The following SEMA5A variants were observed in gnomAD, a reference collection of about 807,000 sequenced individuals.
The protein encoded by SEMA5A is semaphorin-5A.
Under a neutral mutation model 135.5 loss-of-function variants are expected in SEMA5A, and 55 were observed. The observed-to-expected ratio is 0.41, with a 90% confidence interval of 0.33 to 0.51. The LOEUF is 0.51. SEMA5A is among the 20% of genes least tolerant of loss of function. The pLI, the probability that SEMA5A is intolerant of heterozygous loss-of-function variation, is 0.37. For synonymous variants in SEMA5A, 580 were observed against 546.5 expected (o/e 1.06, Z -0.85); for missense variants, 1,290 against 1,419.9 (o/e 0.91, Z 1.47).
intron 5 of SEMA5A, among the ~76,000 whole-genome samples, chr5:9,306,218 G>A (rs1340767231): frequency 6.6e-6 from 1 of 152,148 alleles, no homozygotes; most frequent in Non-Finnish European, 1.5e-5. Context: ...ATAATTACCA[G>A]GCACATAGCT....
chr5:9,311,023 T>C (rs1023765640), intron 5 of SEMA5A, among the ~76,000 whole-genome samples: 1 of 152,006 alleles, frequency 6.6e-6, no homozygotes, highest in Non-Finnish European at 1.5e-5. Context: ...TCAAGTAATC[T>C]TAATATCACA....
At chr5:9,176,575 A>G (rs1173502631) in intron 11 of SEMA5A, among the ~76,000 whole-genome samples, 2 of 152,350 alleles carry the variant, frequency 1.3e-5, no homozygotes, top group Non-Finnish European at 1.5e-5. Context: ...ACAACAATGC[A>G]AGAATAACAC....
chr5:9,221,352 G>A (rs567031542), intron 8 of SEMA5A, among the ~76,000 whole-genome samples: 2 of 143,664 alleles, frequency 1.4e-5, no homozygotes, highest in Admixed American at 7.1e-5. Flanking sequence ...ACCCAGGCTG[G>A]AGTGCAGTGG....
intron 5 of SEMA5A, among the ~76,000 whole-genome samples, chr5:9,259,386 G>GT (rs776101055): frequency 2.6e-5 from 4 of 151,998 alleles, no homozygotes; most frequent in Non-Finnish European, 5.9e-5. Flanking sequence ...TTAATCCTGA[G>GT]TTCTAGTTTG....
chr5:9,294,337 C>T (rs964351633), intron 5 of SEMA5A, among the ~76,000 whole-genome samples: 18 of 152,150 alleles, frequency 1.2e-4, no homozygotes, highest in Non-Finnish European at 2.4e-4. Flanking sequence ...AACCATGGGC[C>T]ACTTTCCATC....
At chr5:9,142,629 C>T (rs960017963) in intron 12 of SEMA5A, among the ~76,000 whole-genome samples, 8 of 152,054 alleles carry the variant, frequency 5.3e-5, no homozygotes, top group Non-Finnish European at 1.0e-4. Flanking sequence ...ACCATGTTAC[C>T]ATATACTTCA....
rs77907960 is a variant in SEMA5A at position 9,253,750 on chromosome 5, A to G, written c.271-15860T>C. Among the ~76,000 whole-genome samples, 948 of 152,284 alleles carry G rather than the reference A, an allele frequency of 6.2e-3. 12 individuals are homozygous for G. The highest frequency in any genetic ancestry group is 0.022 in the African/African-American group (900 of 41,580). ...GGTACAAAATCTCATCCTTTCAAGA[A>G]ACCTGAATCTGGTTATTACCAAAAT... is the stretch of plus-strand genomic sequence containing the variant. On this transcript the variant is annotated intron_variant, in intron 5 of 22. Coordinates refer to ENST00000382496, the MANE Select transcript of SEMA5A (RefSeq NM_003966.3).
At chr5:9,287,212 C>G (rs953175632) in intron 5 of SEMA5A, among the ~76,000 whole-genome samples, 1 of 152,188 alleles carries the variant, frequency 6.6e-6, no homozygotes, top group Non-Finnish European at 1.5e-5. Flanking sequence ...TATATTAACC[C>G]AGGCAGCAGC....
chr5:9,286,315 A>T (rs575292856), intron 5 of SEMA5A, among the ~76,000 whole-genome samples: 1 of 152,322 alleles, frequency 6.6e-6, no homozygotes, highest in South Asian at 2.1e-4. Context: ...CATAAAGGCA[A>T]ATTTTCAAGT....
chr5:9,327,631 A>G (rs556070490), intron 4 of SEMA5A, among the ~76,000 whole-genome samples: 41 of 152,244 alleles, frequency 2.7e-4, no homozygotes, highest in Non-Finnish European at 5.1e-4. Flanking sequence ...TGCAGTAACT[A>G]AACAATGCCG....
intron 1 of SEMA5A, among the ~76,000 whole-genome samples, chr5:9,466,245 G>A (rs1317439335): frequency 2.0e-5 from 3 of 151,918 alleles, no homozygotes; most frequent in African/African-American, 7.2e-5. Flanking sequence ...GGGAGGGATA[G>A]CATTAGGAGA....
intron 15 of SEMA5A, among the ~76,000 whole-genome samples, chr5:9,108,977 A>T (rs1329816170): frequency 2.6e-5 from 4 of 151,748 alleles, no homozygotes; most frequent in Admixed American, 6.6e-5. Flanking sequence ...ATGTCAGCCA[A>T]ATATCCAAAG....
At chr5:9,097,800 G>C (rs903682554) in intron 16 of SEMA5A, among the ~76,000 whole-genome samples, 12 of 152,172 alleles carry the variant, frequency 7.9e-5, no homozygotes, top group South Asian at 2.1e-4. Flanking sequence ...GACTTTAAAA[G>C]GTAGAATGAG....
chr5:9,340,255 G>T (rs1753584204), intron 3 of SEMA5A, among the ~76,000 whole-genome samples: 1 of 152,178 alleles, frequency 6.6e-6, no homozygotes, highest in South Asian at 2.1e-4. Context: ...AGGCTCCAGA[G>T]TGAATATCAG....
At chr5:9,125,283 C>G (rs1741045137) in intron 13 of SEMA5A, among the ~76,000 whole-genome samples, 1 of 152,136 alleles carries the variant, frequency 6.6e-6, no homozygotes, top group Non-Finnish European at 1.5e-5. Context: ...GAAACTGTGG[C>G]AAAACGGACG....
chr5:9,232,599 T>A (rs920415699), intron 6 of SEMA5A, among the ~76,000 whole-genome samples: 1 of 152,216 alleles, frequency 6.6e-6, no homozygotes, highest in African/African-American at 2.4e-5. Context: ...TATGTAGAGA[T>A]AAACACTCAT....
chr5:9,470,515 CA>C (rs1226553023), intron 1 of SEMA5A, among the ~76,000 whole-genome samples: 1 of 152,156 alleles, frequency 6.6e-6, no homozygotes, highest in Non-Finnish European at 1.5e-5. Flanking sequence ...TCACATAAAA[CA>C]AAAAACTCAT....
chr5:9,470,095 A>AG (rs576208503), intron 1 of SEMA5A, among the ~76,000 whole-genome samples: 101 of 152,170 alleles, frequency 6.6e-4, no homozygotes, highest in African/African-American at 2.2e-3. Flanking sequence ...TGAGCATGTT[A>AG]GGGGGGGTTC....
chr5:9,186,183 C>T (rs1744798258), intron 11 of SEMA5A, among the ~76,000 whole-genome samples: 1 of 152,086 alleles, frequency 6.6e-6, no homozygotes, highest in Admixed American at 6.5e-5. Flanking sequence ...GATAACATGC[C>T]TGGCCCTGGG....
Sources: gnomAD v4.1 joint callset for allele counts (sites outside exome capture counted in the v4.1 genomes callset) on GRCh38, gnomAD v4.1.1 for gene constraint, MANE v1.5 for transcripts, NCBI Gene and HGNC (gene_info 2026-07-23, HGNC 2026-07-21) for gene names.